Variants in N4BP2L2 observed in about 807,000 individuals in gnomAD.
N4BP2L2 encodes NEDD4-binding protein 2-like 2.
A neutral mutation model predicts 56.2 loss-of-function variants in N4BP2L2; 50 were observed. The ratio of observed to expected loss-of-function variants is 0.89; its 90% CI spans 0.71 to 1.13. N4BP2L2 has a LOEUF of 1.13. N4BP2L2 is among the 50% of genes most tolerant of loss of function. The pLI, the probability that N4BP2L2 is intolerant of heterozygous loss-of-function variation, is 0.00. For missense variants in N4BP2L2, 689 were observed against 693.8 expected, an observed-to-expected ratio of 0.99 and a Z score of 0.08; for synonymous variants, 203 against 223.6, an observed-to-expected ratio of 0.91 and a Z score of 0.82.
At chr13:32,537,600 T>G (rs2056860814) in intron 1 of N4BP2L2, among the ~76,000 whole-genome samples, 1 of 152,146 alleles carries the variant, frequency 6.6e-6, no homozygotes, top group Non-Finnish European at 1.5e-5. Context: ...GACCCTTAAC[T>G]GTGAGTAGTT....
intron 6 of N4BP2L2, among the ~76,000 whole-genome samples, chr13:32,464,860 AAAACTAATAC>A (rs1342907430): frequency 6.6e-6 from 1 of 152,260 alleles, no homozygotes; most frequent in Non-Finnish European, 1.5e-5. Flanking sequence ...CATTAGTAAT[AAAACTAATAC>A]AAATTAAAAC....
chr13:32,463,483 G>A (rs1035990792), intron 6 of N4BP2L2, among the ~76,000 whole-genome samples: 2 of 151,932 alleles, frequency 1.3e-5, no homozygotes, highest in African/African-American at 2.4e-5. Flanking sequence ...GGCCAACATG[G>A]TGAAACCCCA....
intron 9 of N4BP2L2, among the ~76,000 whole-genome samples, chr13:32,434,918 G>T (rs969920076): frequency 3.3e-5 from 5 of 152,184 alleles, no homozygotes; most frequent in Non-Finnish European, 7.4e-5. Flanking sequence ...CAAAATTGTG[G>T]TTGCAAAATG....
intron 6 of N4BP2L2, among the ~76,000 whole-genome samples, chr13:32,475,435 C>G (rs1025169913): frequency 1.3e-5 from 2 of 152,140 alleles, no homozygotes; most frequent in East Asian, 1.9e-4. Context: ...TTGGCTAGCA[C>G]GAATGTGCCA....
At chr13:32,470,265 G>A (rs1036207193) in intron 6 of N4BP2L2, among the ~76,000 whole-genome samples, 4 of 152,176 alleles carry the variant, frequency 2.6e-5, no homozygotes, top group Non-Finnish European at 4.4e-5. Flanking sequence ...ATGGGAGGGC[G>A]ACAATGGACT....
intron 2 of N4BP2L2, among the ~76,000 whole-genome samples, chr13:32,534,299 G>A (rs962669787): frequency 1.3e-4 from 19 of 151,914 alleles, no homozygotes; most frequent in African/African-American, 4.1e-4. Context: ...AAATTCTATC[G>A]AATTTCCACT....
chr13:32,504,111 A>G (rs1462601876), intron 6 of N4BP2L2, among the ~76,000 whole-genome samples: 1 of 152,258 alleles, frequency 6.6e-6, no homozygotes, highest in Non-Finnish European at 1.5e-5. Flanking sequence ...CAGATGAATT[A>G]GGACCTAAAA....
intron 6 of N4BP2L2, among the ~76,000 whole-genome samples, chr13:32,487,304 T>A (rs2086090880): frequency 6.6e-6 from 1 of 151,584 alleles, no homozygotes. Context: ...TGAAATCCCA[T>A]CTCTACCAAA....
chr13:32,506,601 C>T (rs1280827763), downstream of N4BP2L2: 4 of 152,068 alleles, frequency 2.6e-5, no homozygotes, highest in African/African-American at 7.2e-5. Context: ...TATGAGAGCA[C>T]ATAAGATGTA....
rs764735222 is a variant in N4BP2L2 at position 32,433,680 on chromosome 13, G to A, written c.*22-708C>T. 1.5e-3 allele frequency among the ~76,000 whole-genome samples: 224 copies of A among 150,364 alleles called. 2 individuals are homozygous for A. Among genetic ancestry groups the A allele is most frequent in the Non-Finnish European group, 3.1e-3 (209 of 67,628 alleles). On this transcript the variant is annotated intron_variant, in intron 9 of 9. Transcript: ENST00000357505. ...GGTGGCTCATGCCTGTAATCCCAGC[G>A]CTTTGGGAGGCCAAGGCAGGTGAAT...
intron 6 of N4BP2L2, among the ~76,000 whole-genome samples, chr13:32,499,952 G>T (rs1300782799): frequency 6.6e-6 from 1 of 152,134 alleles, no homozygotes; most frequent in African/African-American, 2.4e-5. Context: ...ACCTTACTCA[G>T]TTCCATTTTA....
chr13:32,450,023 A>C (rs2077659575), intron 6 of N4BP2L2, among the ~76,000 whole-genome samples: 1 of 152,252 alleles, frequency 6.6e-6, no homozygotes, highest in African/African-American at 2.4e-5. Flanking sequence ...ACAAAGACAC[A>C]GAAGTTTAAC....
chr13:32,511,014 T>C (rs982453407), exon 6 of N4BP2L2: 3 of 151,788 alleles, frequency 2.0e-5, no homozygotes, highest in African/African-American at 7.3e-5. Flanking sequence ...AAAAAAATAA[T>C]ACAGGGTTAC....
At chr13:32,472,268 A>G (rs2082453230) in intron 6 of N4BP2L2, among the ~76,000 whole-genome samples, 1 of 152,210 alleles carries the variant, frequency 6.6e-6, no homozygotes, top group Non-Finnish European at 1.5e-5. Flanking sequence ...TCCTAAAAAT[A>G]TAGTCTAAAA....
intron 3 of N4BP2L2, among the ~76,000 whole-genome samples, chr13:32,525,991 A>G (rs2140133342): frequency 6.8e-6 from 1 of 145,986 alleles, no homozygotes; most frequent in South Asian, 2.2e-4. Flanking sequence ...GATTAAGCTC[A>G]CCATTACTAA....
chr13:32,527,754 A>G (rs999858813), intron 2 of N4BP2L2, among the ~76,000 whole-genome samples: 39 of 151,764 alleles, frequency 2.6e-4, no homozygotes, highest in African/African-American at 9.4e-4. Context: ...TTAAATCTAC[A>G]CAATTACAGA....
chr13:32,464,244 A>C (rs2080807169), intron 6 of N4BP2L2, among the ~76,000 whole-genome samples: 1 of 152,242 alleles, frequency 6.6e-6, no homozygotes, highest in Non-Finnish European at 1.5e-5. Flanking sequence ...TATGTAATTG[A>C]AACTAAGTTG....
At chr13:32,458,157 C>T (rs1034134772) in intron 6 of N4BP2L2, among the ~76,000 whole-genome samples, 1 of 152,106 alleles carries the variant, frequency 6.6e-6, no homozygotes, top group African/African-American at 2.4e-5. Context: ...CTCCGTCTCC[C>T]AGGTTCATGC....
At chr13:32,436,071 TA>T (rs1752474650) in intron 9 of N4BP2L2, among the ~76,000 whole-genome samples, 1 of 152,186 alleles carries the variant, frequency 6.6e-6, no homozygotes, top group African/African-American at 2.4e-5. Context: ...AAATGTCTCA[TA>T]AATTGTGTGT....
Sources: allele counts gnomAD v4.1 joint callset (sites outside exome capture counted in the v4.1 genomes callset), GRCh38; gene constraint gnomAD v4.1.1; transcripts MANE v1.5; gene names NCBI Gene and HGNC (gene_info 2026-07-23, HGNC 2026-07-21).